CRTC1: variants seen among roughly 807,000 people sequenced by gnomAD.
The protein encoded by CRTC1 is CREB regulated transcription coactivator 1, also known as CREB-regulated transcription coactivator 1.
A neutral mutation model predicts 66.1 loss-of-function variants in CRTC1; 18 were observed. The observed-to-expected ratio is 0.27, with a 90% CI of 0.19 to 0.40. The LOEUF (loss-of-function observed/expected upper bound fraction) is 0.40, where lower values mean the gene tolerates loss of function less well. CRTC1 is among the 10% of genes least tolerant of loss of function. The pLI, the probability that CRTC1 is intolerant of heterozygous loss-of-function variation, is 1.00. For missense variants in CRTC1, 669 were observed against 887.9 expected, an observed-to-expected ratio of 0.75 and a Z score of 3.13; for synonymous variants, 416 against 398.8, an observed-to-expected ratio of 1.04 and a Z score of -0.51.
At chr19:18,684,854 C>T (rs2052650473) in intron 1 of CRTC1, among the ~76,000 whole-genome samples, 1 of 147,514 alleles carries the variant, frequency 6.8e-6, no homozygotes, top group African/African-American at 2.6e-5. Flanking sequence ...CTGAGCACGG[C>T]AAGGCACCCG....
chr19:18,774,871 A>G (rs2054947827), intron 11 of CRTC1, 29 bp from the exon 12 acceptor site: 2 of 1,606,490 alleles, frequency 1.2e-6, no homozygotes, highest in East Asian at 2.2e-5. Flanking sequence ...TCAGGCCGTG[A>G]CCACAGCAGG....
rs542315379 is a variant in CRTC1, at chr19:18,710,452, T to C, written c.126+26624T>C. On this transcript the variant is annotated intron_variant, in intron 1 of 13. Coordinates refer to ENST00000321949, the MANE Select transcript of CRTC1 (RefSeq NM_015321.3). ...GACATGCAGGGTTTTCTGGGGCTGC[T>C]GGAGGGGGTGGGAGCCAGGAGCCAG... Among the ~76,000 whole-genome samples, 245 of 149,534 alleles carry C rather than the reference T, an allele frequency of 1.6e-3. 2 individuals are homozygous for C. The highest frequency in any genetic ancestry group is 5.7e-3 in the African/African-American group (236 of 41,220).
At chr19:18,726,321 C>T (rs752303222) in intron 1 of CRTC1, among the ~76,000 whole-genome samples, 2 of 152,210 alleles carry the variant, frequency 1.3e-5, no homozygotes, top group Admixed American at 6.5e-5. Context: ...CCTCGGTCCC[C>T]GGGGGACAGC....
At chr19:18,747,328 CA>C (rs199625555) in intron 4 of CRTC1, among the ~76,000 whole-genome samples, 7 of 150,884 alleles carry the variant, frequency 4.6e-5, no homozygotes, top group South Asian at 2.1e-4. Context: ...CCACTTATGA[CA>C]AAAAAAAAGA....
Position 18,762,169 on chromosome 19 carries a change from A to G in CRTC1, c.886+1941A>G, listed in dbSNP as rs576982320. 2.0e-4 allele frequency among the ~76,000 whole-genome samples: 31 copies of G among 152,282 alleles called. No individual in the cohort carries two copies. In the South Asian group the frequency reaches 5.4e-3, roughly 26 times the overall value. On this transcript the variant is annotated intron_variant, in intron 8 of 13. Transcript: ENST00000321949. ...CATCTCTTCACGGCCACCAGAGCAC[A>G]TGGCCCCCTTCCCGCTGGAGGGTCC... is the stretch of plus-strand genomic sequence containing the variant.
chr19:18,705,967 CTT>C (rs71336689), intron 1 of CRTC1, among the ~76,000 whole-genome samples: 7 of 122,284 alleles, frequency 5.7e-5, no homozygotes, highest in South Asian at 2.6e-4. Context: ...CTCTCTCTCT[CTT>C]TTTTTTTTTT....
chr19:18,710,240 C>T (rs938322820), intron 1 of CRTC1, among the ~76,000 whole-genome samples: 4 of 152,202 alleles, frequency 2.6e-5, no homozygotes, highest in Admixed American at 6.5e-5. Context: ...CATCTACCCA[C>T]CCAGCTGCCC....
intron 5 of CRTC1, among the ~76,000 whole-genome samples, chr19:18,752,925 A>G (rs1183541613): frequency 6.7e-6 from 1 of 150,278 alleles, no homozygotes; most frequent in Non-Finnish European, 1.5e-5. Context: ...GGCGTGAGCC[A>G]CCACGCCCAG....
intron 1 of CRTC1, among the ~76,000 whole-genome samples, chr19:18,687,639 C>T (rs1432539278): frequency 2.6e-5 from 4 of 152,102 alleles, no homozygotes; most frequent in Admixed American, 6.5e-5. Context: ...GAGGCATGAT[C>T]GGGTCGGCAC....
intron 7 of CRTC1, 70 bp downstream of exon 7, chr19:18,759,661 G>A (rs2054569673): frequency 4.5e-6 from 7 of 1,542,222 alleles, no homozygotes; most frequent in Non-Finnish European, 6.2e-6. Flanking sequence ...GGGGCATTCT[G>A]TCCACTCTCT....
At chr19:18,693,231 A>G (rs2052893396) in intron 1 of CRTC1, among the ~76,000 whole-genome samples, 1 of 151,694 alleles carries the variant, frequency 6.6e-6, no homozygotes, top group East Asian at 2.0e-4. Flanking sequence ...TTTACTAAAA[A>G]TACAAAAATT....
chr19:18,743,246 C>G (rs2054150197), intron 2 of CRTC1, among the ~76,000 whole-genome samples: 1 of 152,272 alleles, frequency 6.6e-6, no homozygotes, highest in South Asian at 2.1e-4. Flanking sequence ...GAGGCGAGCC[C>G]TCCATCTGGC....
chr19:18,759,708 AC>A, intron 7 of CRTC1, 117 bp downstream of exon 7: 1 of 1,172,400 alleles, frequency 8.5e-7, no homozygotes, highest in Non-Finnish European at 1.2e-6. Flanking sequence ...ACACTGTGTG[AC>A]CAGAGGCCAG....
intron 9 of CRTC1, among the ~76,000 whole-genome samples, chr19:18,766,128 T>C (rs992756510): frequency 6.6e-6 from 1 of 151,722 alleles, no homozygotes; most frequent in Non-Finnish European, 1.5e-5. Flanking sequence ...GTAATCCTTT[T>C]TTTTTTTTTT....
At chr19:18,776,355 G>A (rs1008506821) in intron 13 of CRTC1, among the ~76,000 whole-genome samples, 4 of 152,172 alleles carry the variant, frequency 2.6e-5, no homozygotes, top group Non-Finnish European at 5.9e-5. Flanking sequence ...AGGAAGACCC[G>A]GCTCCATCTA....
chr19:18,685,775 G>A (rs1464888950), intron 1 of CRTC1, among the ~76,000 whole-genome samples: 1 of 152,212 alleles, frequency 6.6e-6, no homozygotes, highest in East Asian at 1.9e-4. Flanking sequence ...AGCACATGGT[G>A]TGTGCTGGCA....
chr19:18,690,491 C>T (rs2052803790), intron 1 of CRTC1, among the ~76,000 whole-genome samples: 1 of 152,188 alleles, frequency 6.6e-6, no homozygotes, highest in African/African-American at 2.4e-5. Context: ...TCATCCTCAT[C>T]ACTCTCCAGG....
At chr19:18,754,585 T>A (rs1358890429) in intron 6 of CRTC1, among the ~76,000 whole-genome samples, 1 of 152,188 alleles carries the variant, frequency 6.6e-6, no homozygotes, top group Non-Finnish European at 1.5e-5. Flanking sequence ...GAGGAATGAA[T>A]AAGGAACAAT....
At chr19:18,691,522 C>CAAAAAA (rs60633222) in intron 1 of CRTC1, among the ~76,000 whole-genome samples, 1 of 72,668 alleles carries the variant, frequency 1.4e-5, no homozygotes, top group Non-Finnish European at 2.5e-5. Context: ...CCCTTTTCTC[C>CAAAAAA]AAAAAAAAAA....
Sources: allele counts gnomAD v4.1 joint callset (sites outside exome capture counted in the v4.1 genomes callset), GRCh38; gene constraint gnomAD v4.1.1; transcripts MANE v1.5; gene names NCBI Gene and HGNC (gene_info 2026-07-23, HGNC 2026-07-21).